ESRRG: variants seen among roughly 807,000 people sequenced by gnomAD.
ESRRG encodes estrogen-related receptor gamma.
A neutral mutation model predicts 44.0 loss-of-function variants in ESRRG; 13 were observed. The observed-to-expected ratio is 0.30, with a 90% CI of 0.19 to 0.47. The LOEUF (loss-of-function observed/expected upper bound fraction) is 0.47, where lower values mean the gene tolerates loss of function less well. Ranked by LOEUF, ESRRG falls within the 20% of genes least tolerant of loss-of-function variation. ESRRG has a pLI of 1.00. For synonymous variants in ESRRG, 215 were observed against 214.6 expected (o/e 1.00, Z -0.02); for missense variants, 395 against 580.6 (o/e 0.68, Z 3.29).
At chr1:216,792,094 C>T (rs918011270) in intron 2 of ESRRG, among the ~76,000 whole-genome samples, 2 of 152,066 alleles carry the variant, frequency 1.3e-5, no homozygotes, top group Non-Finnish European at 2.9e-5. Flanking sequence ...ACATATGCAT[C>T]TAAAATATCA....
chr1:216,638,364 C>T (rs1574543999), intron 3 of ESRRG, among the ~76,000 whole-genome samples: 1 of 152,100 alleles, frequency 6.6e-6, no homozygotes, highest in South Asian at 2.1e-4. Context: ...TGACAGTGAA[C>T]TCTGAGTCTA....
At chr1:216,757,960 A>T (rs947260641) in intron 2 of ESRRG, among the ~76,000 whole-genome samples, 1 of 152,110 alleles carries the variant, frequency 6.6e-6, no homozygotes, top group Non-Finnish European at 1.5e-5. Flanking sequence ...GAGCTGCAGA[A>T]ATAAGAGAAA....
chr1:216,851,571 T>C (rs895215785), intron 2 of ESRRG, among the ~76,000 whole-genome samples: 1 of 145,806 alleles, frequency 6.9e-6, no homozygotes, highest in South Asian at 2.1e-4. Context: ...CAGGGAGAAG[T>C]TGACAGTCTA....
intron 2 of ESRRG, among the ~76,000 whole-genome samples, chr1:216,742,762 CTTATT>C (rs1455540694): frequency 6.6e-6 from 1 of 152,012 alleles, no homozygotes; most frequent in Non-Finnish European, 1.5e-5. Flanking sequence ...ACCAAATATG[CTTATT>C]TTGTTTACAC....
chr1:217,113,922 G>T (rs1308236634), intron 1 of ESRRG, among the ~76,000 whole-genome samples: 2 of 152,044 alleles, frequency 1.3e-5, no homozygotes, highest in Non-Finnish European at 2.9e-5. Context: ...AAGCTCAGGA[G>T]TTAGTGGCTT....
chr1:216,767,372 C>A (rs2093136686), intron 2 of ESRRG, among the ~76,000 whole-genome samples: 1 of 151,952 alleles, frequency 6.6e-6, no homozygotes, highest in South Asian at 2.1e-4. Flanking sequence ...GATTTTTGAG[C>A]CTACGGACTC....
At chr1:216,658,135 G>A (rs1193498544) in intron 2 of ESRRG, among the ~76,000 whole-genome samples, 2 of 152,114 alleles carry the variant, frequency 1.3e-5, no homozygotes, top group Non-Finnish European at 2.9e-5. Flanking sequence ...CTGTGTTTGG[G>A]AGAGTCACCA....
At chr1:216,851,153 G>C (rs2095837020) in intron 2 of ESRRG, among the ~76,000 whole-genome samples, 1 of 151,318 alleles carries the variant, frequency 6.6e-6, no homozygotes, top group South Asian at 2.1e-4. Context: ...ATCCTAGCAG[G>C]ACTGGAAGAA....
intron 2 of ESRRG, among the ~76,000 whole-genome samples, chr1:216,667,289 T>A (rs2074140886): frequency 6.6e-6 from 1 of 152,240 alleles, no homozygotes; most frequent in Non-Finnish European, 1.5e-5. Context: ...ATTACATCCG[T>A]ATTTTTTTTG....
chr1:216,779,968 A>G (rs1019802110), intron 2 of ESRRG, among the ~76,000 whole-genome samples: 3 of 151,846 alleles, frequency 2.0e-5, no homozygotes, highest in African/African-American at 7.3e-5. Context: ...TGTTCTATAC[A>G]CCTAAGATAG....
chr1:216,698,927 A>C (rs1416302834), intron 1 of ESRRG, among the ~76,000 whole-genome samples: 1 of 152,106 alleles, frequency 6.6e-6, no homozygotes, highest in African/African-American at 2.4e-5. Flanking sequence ...CACTCTCCAA[A>C]TTTTGGCTGA....
intron 1 of ESRRG, among the ~76,000 whole-genome samples, chr1:216,994,029 C>T (rs963077694): frequency 6.6e-6 from 1 of 152,126 alleles, no homozygotes; most frequent in African/African-American, 2.4e-5. Context: ...TCTCGTTTTA[C>T]TCCTTGCAAA....
chr1:216,987,448 T>C (rs2075050242), intron 1 of ESRRG, among the ~76,000 whole-genome samples: 2 of 152,218 alleles, frequency 1.3e-5, no homozygotes, highest in Admixed American at 1.3e-4. Flanking sequence ...GTTTGGGATG[T>C]CTGAATGTGT....
At chr1:216,513,333 A>G (rs558225015) in intron 6 of ESRRG, among the ~76,000 whole-genome samples, 1 of 152,290 alleles carries the variant, frequency 6.6e-6, no homozygotes, top group Non-Finnish European at 1.5e-5. Flanking sequence ...CCTTTCACAT[A>G]TCAAGTAGGG....
intron 1 of ESRRG, among the ~76,000 whole-genome samples, chr1:216,995,137 G>T (rs947730149): frequency 2.0e-5 from 3 of 152,122 alleles, no homozygotes; most frequent in Non-Finnish European, 1.5e-5. Context: ...GAGACCAAAG[G>T]CCATTCTTGA....
chr1:216,924,008 A>G (rs570591580), intron 2 of ESRRG, among the ~76,000 whole-genome samples: 1 of 152,322 alleles, frequency 6.6e-6, no homozygotes, highest in South Asian at 2.1e-4. Context: ...GCTTTGCAAG[A>G]GCTTTCAAAA....
At chr1:216,720,762 G>A (rs2086079476) in intron 1 of ESRRG, among the ~76,000 whole-genome samples, 1 of 152,148 alleles carries the variant, frequency 6.6e-6, no homozygotes, top group Non-Finnish European at 1.5e-5. Context: ...AACTTGTGTA[G>A]CTCCAAACAC....
At chr1:217,032,967 TC>T in intron 1 of ESRRG, among the ~76,000 whole-genome samples, 1 of 152,176 alleles carries the variant, frequency 6.6e-6, no homozygotes, top group Non-Finnish European at 1.5e-5. Context: ...GCACAGACCG[TC>T]CCCTGTGGCC....
At chr1:216,893,214 G>T (rs1248487358) in intron 2 of ESRRG, among the ~76,000 whole-genome samples, 2 of 152,146 alleles carry the variant, frequency 1.3e-5, no homozygotes, top group Non-Finnish European at 1.5e-5. Flanking sequence ...TTAACAGCAT[G>T]TATTGAGCAA....
Sources: gnomAD v4.1 joint callset for allele counts (sites outside exome capture counted in the v4.1 genomes callset) on GRCh38, gnomAD v4.1.1 for gene constraint, MANE v1.5 for transcripts, NCBI Gene and HGNC (gene_info 2026-07-23, HGNC 2026-07-21) for gene names.